ST7: variants seen among roughly 807,000 people sequenced by gnomAD.
The protein encoded by ST7 is suppressor of tumorigenicity 7 protein.
A neutral mutation model predicts 78.7 loss-of-function variants in ST7; 28 were observed. The observed-to-expected ratio is 0.36, with a 90% confidence interval of 0.26 to 0.49. The LOEUF (loss-of-function observed/expected upper bound fraction) is 0.49. Ranked by LOEUF, ST7 falls within the 20% of genes least tolerant of loss-of-function variation. The pLI is 0.99. For synonymous variants in ST7, 247 were observed against 249.6 expected (o/e 0.99, Z 0.10); for missense variants, 418 against 696.0 (o/e 0.60, Z 4.49).
intron 2 of ST7, among the ~76,000 whole-genome samples, chr7:117,106,616 C>CTTTTTTTTTTTTTTTTTT (rs758855564): frequency 1.9e-5 from 2 of 107,726 alleles, no homozygotes; most frequent in East Asian, 2.6e-4. Context: ...TTGTATCATT[C>CTTTTTTTTTTTTTTTTTT]TTTTTTTTTT....
intron 1 of ST7, among the ~76,000 whole-genome samples, chr7:117,037,081 G>A (rs1472786040): frequency 6.6e-6 from 1 of 152,152 alleles, no homozygotes; most frequent in Non-Finnish European, 1.5e-5. Flanking sequence ...CTGAACAGCT[G>A]CCATGGAAGT....
At chr7:117,151,976 C>T (rs563819495) in intron 9 of ST7, among the ~76,000 whole-genome samples, 6 of 151,150 alleles carry the variant, frequency 4.0e-5, no homozygotes, top group East Asian at 2.0e-4. Context: ...AAAAATTAGC[C>T]GGTGTGGTGG....
intron 10 of ST7, among the ~76,000 whole-genome samples, chr7:117,179,040 C>T (rs1386843512): frequency 2.0e-5 from 3 of 152,072 alleles, no homozygotes; most frequent in South Asian, 2.1e-4. Context: ...TTTCTTCATC[C>T]TGCCCCATAA....
chr7:117,128,723 C>G (rs889683069), intron 3 of ST7, among the ~76,000 whole-genome samples: 1 of 151,772 alleles, frequency 6.6e-6, no homozygotes, highest in Non-Finnish European at 1.5e-5. Context: ...TTACTTATTT[C>G]CTCCAGTGGG....
intron 1 of ST7, among the ~76,000 whole-genome samples, chr7:116,990,847 A>G (rs1256701104): frequency 2.0e-5 from 3 of 152,252 alleles, no homozygotes; most frequent in Non-Finnish European, 2.9e-5. Context: ...ATGAGAATGG[A>G]AAATTTAAAA....
intron 1 of ST7, among the ~76,000 whole-genome samples, chr7:117,083,878 C>T (rs1054015718): frequency 6.6e-6 from 1 of 152,124 alleles, no homozygotes; most frequent in Non-Finnish European, 1.5e-5. Flanking sequence ...CTGCCAACTT[C>T]CTGGCTTTGG....
At chr7:117,051,042 G>A (rs149829507) in intron 1 of ST7, among the ~76,000 whole-genome samples, 76 of 151,896 alleles carry the variant, frequency 5.0e-4, no homozygotes, top group Middle Eastern at 3.4e-3. Flanking sequence ...GAAAATTTGC[G>A]TATAAACAGA....
At chr7:117,091,751 A>G (rs564721485) in intron 1 of ST7, among the ~76,000 whole-genome samples, 2 of 152,318 alleles carry the variant, frequency 1.3e-5, no homozygotes, top group South Asian at 4.1e-4. Flanking sequence ...TTCCGTAAAT[A>G]TAGCAGTTTA....
chr7:117,124,924 C>G (rs1803701553), intron 3 of ST7, among the ~76,000 whole-genome samples: 1 of 152,080 alleles, frequency 6.6e-6, no homozygotes, highest in Non-Finnish European at 1.5e-5. Context: ...GCCGGGCTTA[C>G]TCACTAGCTG....
chr7:116,974,580 T>C (rs1409748811), intron 1 of ST7, among the ~76,000 whole-genome samples: 1 of 152,170 alleles, frequency 6.6e-6, no homozygotes, highest in African/African-American at 2.4e-5. Context: ...CGTGAGCCAC[T>C]GCGCCGGGCC....
intron 2 of ST7, among the ~76,000 whole-genome samples, chr7:117,116,170 C>A (rs1387320506): frequency 6.6e-6 from 1 of 152,124 alleles, no homozygotes; most frequent in African/African-American, 2.4e-5. Context: ...CTCTCAGGGG[C>A]AGAGCATCAA....
chr7:117,152,328 C>T (rs1264473213), intron 9 of ST7, among the ~76,000 whole-genome samples: 1 of 150,518 alleles, frequency 6.6e-6, no homozygotes, highest in Non-Finnish European at 1.5e-5. Flanking sequence ...GTTGCTCAGC[C>T]CAGCTGCTCT....
chr7:117,120,918 T>C (rs969135572), intron 3 of ST7, among the ~76,000 whole-genome samples: 2 of 152,026 alleles, frequency 1.3e-5, no homozygotes, highest in African/African-American at 4.8e-5. Flanking sequence ...ACAGGGACAA[T>C]GGGAAGGGTA....
chr7:117,024,903 C>G (rs930706350), intron 1 of ST7, among the ~76,000 whole-genome samples: 4 of 152,140 alleles, frequency 2.6e-5, no homozygotes, highest in African/African-American at 9.7e-5. Context: ...ATCAAAAGTT[C>G]AGTTGCTGCT....
chr7:117,179,967 A>G (rs1403918867), intron 10 of ST7, among the ~76,000 whole-genome samples: 1 of 152,186 alleles, frequency 6.6e-6, no homozygotes, highest in African/African-American at 2.4e-5. Flanking sequence ...TCTGTCCTGG[A>G]GGGAGACATT....
chr7:117,213,582 C>T (rs1310619179), intron 13 of ST7, among the ~76,000 whole-genome samples: 1 of 151,552 alleles, frequency 6.6e-6, no homozygotes, highest in Non-Finnish European at 1.5e-5. Context: ...TTGATAAAAC[C>T]CCCGAAGTCC....
intron 13 of ST7, among the ~76,000 whole-genome samples, chr7:117,214,160 C>A (rs1792505761): frequency 6.6e-6 from 1 of 152,188 alleles, no homozygotes; most frequent in Non-Finnish European, 1.5e-5. Flanking sequence ...CCGACCACAA[C>A]TGTGAACTTT....
chr7:117,112,527 C>T (rs1475622847), intron 2 of ST7: 1 of 152,198 alleles, frequency 6.6e-6, no homozygotes, highest in African/African-American at 2.4e-5. Flanking sequence ...CTTCCATCAC[C>T]TCTTATTCAA....
chr7:117,046,070 C>G (rs769409856), intron 1 of ST7, among the ~76,000 whole-genome samples: 3 of 152,174 alleles, frequency 2.0e-5, no homozygotes, highest in Non-Finnish European at 2.9e-5. Flanking sequence ...GATGAGGAAA[C>G]TGTGGTTTAG....
Sources: allele counts gnomAD v4.1 joint callset (sites outside exome capture counted in the v4.1 genomes callset), GRCh38; gene constraint gnomAD v4.1.1; transcripts MANE v1.5; gene names NCBI Gene and HGNC (gene_info 2026-07-23, HGNC 2026-07-21).